SP1: variants seen among roughly 807,000 people sequenced by gnomAD.
SP1 encodes transcription factor Sp1.
In SP1, 6 loss-of-function variants were observed where a neutral mutation model predicts 66.3. The observed-to-expected ratio is 0.09, with a 90% CI of 0.05 to 0.18. SP1 has a LOEUF of 0.18. Among genes scored for constraint, SP1 ranks in the 10% least tolerant of loss-of-function variants. The pLI is 1.00. For synonymous variants in SP1, 417 were observed against 360.8 expected (o/e 1.16, Z -1.77); for missense variants, 848 against 964.5 (o/e 0.88, Z 1.60).
At position 53,381,707 on chromosome 12, in the gene SP1, A is replaced by T. The variant is rs763475684; in HGVS notation, c.56A>T (p.Lys19Ile). The T allele has an allele frequency of 6.2e-7, 1 of 1,613,982 alleles. No homozygotes were observed. Among genetic ancestry groups the T allele is most frequent in the Non-Finnish European group, 8.5e-7 (1 of 1,179,946 alleles). ...DEMTAVVKIE[K>I]GVGGNNGGNG... ...ATGACAGCTGTGGTGAAAATTGAAA[A>T]AGGAGTTGGTGGCAATAATGGGGGC... The change falls in exon 2 of 6, where the codon AAA (lysine) becomes ATA (isoleucine). Residue 19 changes from lysine (K) to isoleucine (I), a missense_variant. Lys to Ile is a moderately radical substitution (Grantham distance 102). Around this residue, in one of 7 missense-constraint regions of SP1, gnomAD observed 84 missense variants for 73.9 expected, o/e 1.14. Coordinates refer to ENST00000327443, the MANE Select transcript of SP1 (RefSeq NM_138473.3).
chr12:53,403,847 C>A (rs1938666766), intron 3 of SP1, among the ~76,000 whole-genome samples: 1 of 151,718 alleles, frequency 6.6e-6, no homozygotes, highest in African/African-American at 2.4e-5. Flanking sequence ...TCGAGATCAG[C>A]CTGGACAACA....
At chr12:53,385,147 T>G (rs532286064) in intron 3 of SP1, among the ~76,000 whole-genome samples, 1 of 149,096 alleles carries the variant, frequency 6.7e-6, no homozygotes, top group East Asian at 2.0e-4. Context: ...ATAAAAAAAT[T>G]AGCCAGGCAT....
At chr12:53,389,381 G>A (rs1026417765) in intron 3 of SP1, among the ~76,000 whole-genome samples, 4 of 151,720 alleles carry the variant, frequency 2.6e-5, no homozygotes, top group African/African-American at 9.7e-5. Context: ...GCTAATTTTT[G>A]TATTTTTAAT....
At chr12:53,384,292 C>CT (rs796293126) in intron 3 of SP1, among the ~76,000 whole-genome samples, 66 of 112,152 alleles carry the variant, frequency 5.9e-4, no homozygotes, top group African/African-American at 1.8e-3. Flanking sequence ...TTTCTTTTTT[C>CT]TTTTTTTTTT....
At chr12:53,391,103 T>C (rs1938340548) in intron 3 of SP1, among the ~76,000 whole-genome samples, 1 of 152,166 alleles carries the variant, frequency 6.6e-6, no homozygotes, top group Non-Finnish European at 1.5e-5. Context: ...TAGTTGAGTT[T>C]TTTCATTTTA....
chr12:53,398,885 C>T (rs1592565848), intron 3 of SP1, among the ~76,000 whole-genome samples: 2 of 152,202 alleles, frequency 1.3e-5, no homozygotes, highest in African/African-American at 4.8e-5. Context: ...GAAATTTGTC[C>T]AAATGGATTC....
Position 53,381,513 on chromosome 12 carries a change from C to T in SP1, c.8-146C>T, listed in dbSNP as rs1375092198. 7.6e-6 allele frequency: 5 copies of T among 659,992 alleles called. No individual in the cohort carries two copies. In the East Asian group the frequency reaches 1.5e-4, roughly 19 times the overall value. The allele number at this position is 659,992 out of a possible 1,614,324, so 40.9% of individuals were successfully genotyped here. ...ATGTCCTGCATGCCCTGCAGCTCCCCTCTGCCCTCCAATCCATTTTCTTTA... is the reference window on the plus strand; with the variant it reads ...ATGTCCTGCATGCCCTGCAGCTCCCTTCTGCCCTCCAATCCATTTTCTTTA... On this transcript the variant is annotated intron_variant, in intron 1 of 5. Coordinates refer to ENST00000327443, the MANE Select transcript of SP1 (RefSeq NM_138473.3).
intron 3 of SP1, among the ~76,000 whole-genome samples, chr12:53,394,121 A>G (rs1938416683): frequency 6.6e-6 from 1 of 151,922 alleles, no homozygotes; most frequent in African/African-American, 2.4e-5. Flanking sequence ...AGGCTGAGGC[A>G]GGAGAATCAT....
Position 53,413,890 on chromosome 12 carries a change from C to A in SP1, c.*2650C>A, listed in dbSNP as rs571813706. The A allele has an allele frequency of 1.3e-5, 2 of 152,184 alleles. No homozygotes were observed. Among genetic ancestry groups the A allele is most frequent in the African/African-American group, 4.8e-5 (2 of 41,440 alleles). The allele number at this position is 152,184 out of a possible 1,614,324, so 9.4% of individuals were successfully genotyped here. ...CTGCTGGTTTACCCTCAACCCTATT[C>A]ATTAGCATTACCATGAGTGAATTTA... is the stretch of plus-strand genomic sequence containing the variant. On this transcript the variant is annotated 3_prime_UTR_variant, in exon 6 of 6. Coordinates refer to ENST00000327443, the MANE Select transcript of SP1 (RefSeq NM_138473.3).
At chr12:53,385,681 G>A (rs552209616) in intron 3 of SP1, among the ~76,000 whole-genome samples, 5 of 151,978 alleles carry the variant, frequency 3.3e-5, no homozygotes, top group Admixed American at 6.6e-5. Context: ...TTGGGAGGCC[G>A]AGGTGAACAG....
Position 53,382,599 on chromosome 12 carries a change from C to G in SP1, c.652C>G (p.Arg218Gly). 1 of 1,614,134 alleles carries G rather than the reference C, an allele frequency of 6.2e-7. No individual in the cohort carries two copies. The highest frequency in any genetic ancestry group is 8.5e-7 in the Non-Finnish European group (1 of 1,180,026). Residue 218 changes from arginine (R) to glycine (G), a missense_variant, in exon 3 of 6, where the codon CGA (arginine) becomes GGA (glycine). By Grantham distance (125) the Arg-to-Gly change is moderately radical (BLOSUM62 -2). Transcript: ENST00000327443. Reference protein sequence around the residue: ...PGANQQIITNRGSGGNIIAAM... With the variant: ...PGANQQIITNGGSGGNIIAAM... The stretch of plus-strand genomic sequence containing the variant: ...TGCAAACCAACAGATTATCACAAAT[C>G]GAGGAAGTGGAGGCAACATCATTGC...
At position 53,382,462 on chromosome 12, in the gene SP1, A is replaced by G. The variant is rs1358406524; in HGVS notation, c.515A>G (p.Gln172Arg). ...TGLPGVMPNIQYQVIPQFQTV... is the reference protein window; with the variant it reads ...TGLPGVMPNIRYQVIPQFQTV... The stretch of plus-strand genomic sequence containing the variant: ...CTACCTGGAGTGATGCCTAATATTC[A>G]GTATCAAGTAATCCCACAGTTCCAG... The change falls in exon 3 of 6, where the codon CAG becomes CGG. Residue 172 changes from glutamine to arginine, a missense_variant. This residue lies in a region of SP1 where 606 missense variants were observed against 589.9 expected (regional missense o/e 1.03). Transcript: ENST00000327443. The G allele has an allele frequency of 1.2e-6, 2 of 1,614,196 alleles. No individual in the cohort carries two copies. Among genetic ancestry groups the G allele is most frequent in the Non-Finnish European group, 1.7e-6 (2 of 1,180,038 alleles).
chr12:53,404,917 C>T (rs1938698143), intron 3 of SP1, among the ~76,000 whole-genome samples: 1 of 152,114 alleles, frequency 6.6e-6, no homozygotes, highest in African/African-American at 2.4e-5. Context: ...CTCACTGCAA[C>T]CTCTGCCTCC....
intron 3 of SP1, among the ~76,000 whole-genome samples, chr12:53,403,178 C>T (rs966892805): frequency 2.0e-5 from 3 of 152,054 alleles, no homozygotes; most frequent in African/African-American, 7.2e-5. Context: ...TTTTATTAGG[C>T]ATAGTAACTC....
chr12:53,407,677 C>A (rs80297745), intron 4 of SP1, among the ~76,000 whole-genome samples: 25,339 of 151,066 alleles, frequency 0.17, 2,133 homozygotes, highest in Admixed American at 0.2. Flanking sequence ...TGCTCTGTTG[C>A]CCAGGCTGGA....
At chr12:53,384,980 GA>G (rs112581379) in intron 3 of SP1, among the ~76,000 whole-genome samples, 44,473 of 140,094 alleles carry the variant, frequency 0.32, 9,759 homozygotes, top group African/African-American at 0.64. Context: ...GTGAGACTCT[GA>G]AAAAAAAAAA....
chr12:53,404,455 T>C (rs1390707834), intron 3 of SP1, among the ~76,000 whole-genome samples: 2 of 149,646 alleles, frequency 1.3e-5, no homozygotes, highest in East Asian at 2.0e-4. Context: ...GGCAGGAAAA[T>C]CGCTTGAACC....
rs985921404 is a variant in SP1, at chr12:53,406,765, C to T, written c.1844+12C>T. 6.3e-7 allele frequency: 1 copy of T among 1,596,836 alleles called. No individual in the cohort carries two copies. The highest frequency in any genetic ancestry group is 8.5e-7 in the Non-Finnish European group (1 of 1,171,420). Reference sequence around the variant, plus strand: ...GACAGTGAAGGAAGGTGAGTTGACCCAGCCAGTTTCTTACAAATATAAAGA... The same window carrying T: ...GACAGTGAAGGAAGGTGAGTTGACCTAGCCAGTTTCTTACAAATATAAAGA... On this transcript the variant is annotated intron_variant, in intron 4 of 5. Coordinates refer to ENST00000327443, the MANE Select transcript of SP1 (RefSeq NM_138473.3).
In SP1 at chr12:53,400,431, T is replaced by G. The variant is rs572463447; in HGVS notation, c.1676-6154T>G. Among the ~76,000 whole-genome samples the G allele has an allele frequency of 7.9e-5, 12 of 152,340 alleles. No individual in the cohort carries two copies. In the South Asian group the frequency reaches 2.3e-3, roughly 29 times the overall value. ...TTCACCAGTTGATGGACATTTGGGT[T>G]GTTTCTGTGTTTTAGCTATCATGCA... On this transcript the variant is annotated intron_variant, in intron 3 of 5. Transcript: ENST00000327443.
Sources: gnomAD v4.1 joint callset for allele counts (sites outside exome capture counted in the v4.1 genomes callset) on GRCh38, gnomAD v4.1.1 for gene constraint, gnomAD v4.1.1 regional missense constraint, MANE v1.5 for transcripts, NCBI Gene and HGNC (gene_info 2026-07-23, HGNC 2026-07-21) for gene names.